The following NBEAL1 variants were observed in gnomAD, a reference collection of about 807,000 sequenced individuals.
NBEAL1 encodes neurobeachin-like protein 1.
Under a neutral mutation model 351.3 loss-of-function variants are expected in NBEAL1, and 273 were observed. That is an observed-to-expected ratio of 0.78 (90% CI 0.70 to 0.86). The LOEUF (loss-of-function observed/expected upper bound fraction) is 0.86, where lower values mean the gene tolerates loss of function less well. NBEAL1 is among the 40% of genes least tolerant of loss of function. NBEAL1 has a pLI of 0.00. For missense variants in NBEAL1, 2,961 were observed against 3,201.3 expected (o/e 0.92, Z 1.81); for synonymous variants, 1,050 against 1,086.4 (o/e 0.97, Z 0.66).
intron 17 of NBEAL1, among the ~76,000 whole-genome samples, chr2:203,114,417 T>G (rs2062643091): frequency 6.6e-6 from 1 of 152,232 alleles, no homozygotes; most frequent in Non-Finnish European, 1.5e-5. Flanking sequence ...ACTGATATAT[T>G]AATATATCTG....
intron 30 of NBEAL1, 69 bp downstream of exon 30, chr2:203,138,384 C>T: frequency 6.9e-7 from 1 of 1,443,600 alleles, no homozygotes; most frequent in South Asian, 1.3e-5. Flanking sequence ...AAATTTTGCA[C>T]CCCCTCTTTT....
intron 36 of NBEAL1, among the ~76,000 whole-genome samples, chr2:203,161,741 G>A (rs1198792779): frequency 1.3e-5 from 2 of 152,090 alleles, no homozygotes; most frequent in African/African-American, 2.4e-5. Flanking sequence ...GCTGAGGCAA[G>A]AAGATACTTT....
Position 203,211,119 on chromosome 2 carries a change from A to G in NBEAL1, c.7934+13A>G. 6.5e-7 allele frequency: 1 copy of G among 1,528,522 alleles called. No individual in the cohort carries two copies. Among genetic ancestry groups the G allele is most frequent in the Non-Finnish European group, 8.8e-7 (1 of 1,136,928 alleles). 94.7% of individuals were successfully genotyped at this position (1,528,522 alleles called of 1,614,324 possible). On this transcript the variant is annotated intron_variant, in intron 54 of 55. Coordinates refer to ENST00000683969, the MANE Select transcript of NBEAL1 (RefSeq NM_001378026.1). The stretch of plus-strand genomic sequence containing the variant: ...GAGATCTCCACAGGTAAATAATAAA[A>G]ACTAATGAAGTATCACTTAAGAAAA...
At chr2:203,191,528 T>A (rs2065087593) in intron 46 of NBEAL1, among the ~76,000 whole-genome samples, 1 of 152,124 alleles carries the variant, frequency 6.6e-6, no homozygotes, top group Admixed American at 6.6e-5. Context: ...AATTTAGTGA[T>A]GTAGAATGTA....
intron 36 of NBEAL1, among the ~76,000 whole-genome samples, chr2:203,165,340 A>G (rs566435015): frequency 6.6e-6 from 1 of 152,210 alleles, no homozygotes; most frequent in Non-Finnish European, 1.5e-5. Context: ...TGTTAGGGGA[A>G]TGCTATGATG....
At chr2:203,064,947 T>C (rs761592884) in intron 6 of NBEAL1, among the ~76,000 whole-genome samples, 1 of 152,196 alleles carries the variant, frequency 6.6e-6, no homozygotes, top group Non-Finnish European at 1.5e-5. Flanking sequence ...GGAAGGACCA[T>C]GATATATGTA....
chr2:203,127,020 G>A (rs1468345303), intron 23 of NBEAL1, 94 bp downstream of exon 23: 5 of 852,116 alleles, frequency 5.9e-6, no homozygotes, highest in African/African-American at 1.7e-5. Context: ...CTTTACCAGC[G>A]ATTCTAGTAT....
At chr2:203,086,473 G>A (rs1385890304) in intron 10 of NBEAL1, among the ~76,000 whole-genome samples, 4 of 152,266 alleles carry the variant, frequency 2.6e-5, no homozygotes, top group Middle Eastern at 3.4e-3. Context: ...CCACTTGAAT[G>A]TCTCTCAAAA....
chr2:203,024,823 C>T (rs906549446), intron 2 of NBEAL1, among the ~76,000 whole-genome samples: 3 of 152,084 alleles, frequency 2.0e-5, no homozygotes, highest in Non-Finnish European at 4.4e-5. Flanking sequence ...GATCGCACCA[C>T]TGTACTCCAG....
chr2:203,150,415 G>T (rs772473586), intron 34 of NBEAL1, among the ~76,000 whole-genome samples: 1 of 151,592 alleles, frequency 6.6e-6, no homozygotes, highest in Non-Finnish European at 1.5e-5. Context: ...TTCTTTTGTT[G>T]AATTGTAAGA....
At chr2:203,016,902 T>C (rs2060690084) in intron 2 of NBEAL1, among the ~76,000 whole-genome samples, 1 of 152,196 alleles carries the variant, frequency 6.6e-6, no homozygotes, top group Admixed American at 6.5e-5. Context: ...TCTTTGAGCA[T>C]TGTCTCATTT....
rs775752409 is a variant in NBEAL1, at chr2:203,172,832, A to G, written c.6302A>G (p.Asn2101Ser). Residue 2101 changes from asparagine to serine, a missense_variant, in exon 41 of 56, where the codon AAC becomes AGC. Transcript: ENST00000683969. ...SKPIGVVNEK[N>S]AKAMREKYEN... ...CCAATTGGGGTAGTTAATGAAAAAAACGCCAAAGCTATGAGAGAAAAGTAA... is the reference window on the plus strand; with the variant it reads ...CCAATTGGGGTAGTTAATGAAAAAAGCGCCAAAGCTATGAGAGAAAAGTAA... The G allele has an allele frequency of 6.2e-7, 1 of 1,609,740 alleles. No individual in the cohort carries two copies. Among genetic ancestry groups the G allele is most frequent in the Non-Finnish European group, 8.5e-7 (1 of 1,177,912 alleles).
intron 29 of NBEAL1, among the ~76,000 whole-genome samples, chr2:203,137,162 C>T (rs2063233743): frequency 6.6e-6 from 1 of 152,164 alleles, no homozygotes; most frequent in Non-Finnish European, 1.5e-5. Flanking sequence ...TTTAGGGTTC[C>T]TTGTAGATCA....
intron 46 of NBEAL1, among the ~76,000 whole-genome samples, chr2:203,191,569 T>C (rs901370052): frequency 6.6e-6 from 1 of 152,184 alleles, no homozygotes; most frequent in Non-Finnish European, 1.5e-5. Context: ...TAACTAGATA[T>C]GTTCTTAAGC....
intron 47 of NBEAL1, among the ~76,000 whole-genome samples, chr2:203,195,224 A>C (rs1468401756): frequency 2.7e-5 from 4 of 146,426 alleles, no homozygotes; most frequent in Non-Finnish European, 4.7e-5. Flanking sequence ...ATTTTACTCA[A>C]ATGAACAATA....
At chr2:203,102,821 TA>T (rs1380829453) in intron 12 of NBEAL1, among the ~76,000 whole-genome samples, 3 of 152,220 alleles carry the variant, frequency 2.0e-5, no homozygotes, top group African/African-American at 7.2e-5. Flanking sequence ...GTTGGCCTCA[TA>T]GAAGGAGTTA....
intron 44 of NBEAL1, among the ~76,000 whole-genome samples, chr2:203,187,367 G>T (rs1279513566): frequency 2.8e-4 from 25 of 87,784 alleles, no homozygotes; most frequent in East Asian, 3.6e-4. Flanking sequence ...TCTTGCAATG[G>T]TTTTTTTTTT....
intron 7 of NBEAL1, among the ~76,000 whole-genome samples, chr2:203,076,240 C>T (rs1032768516): frequency 4.6e-5 from 7 of 152,012 alleles, no homozygotes; most frequent in East Asian, 1.9e-4. Flanking sequence ...CCCAGCACTT[C>T]GGGAGGCTGA....
intron 36 of NBEAL1, among the ~76,000 whole-genome samples, chr2:203,161,080 C>A (rs1352254142): frequency 1.3e-5 from 2 of 152,160 alleles, no homozygotes; most frequent in Non-Finnish European, 2.9e-5. Flanking sequence ...GTAATCCCAG[C>A]ACTTTGGGAG....
Sources: allele counts gnomAD v4.1 joint callset (sites outside exome capture counted in the v4.1 genomes callset), GRCh38; gene constraint gnomAD v4.1.1; transcripts MANE v1.5; gene names NCBI Gene and HGNC (gene_info 2026-07-23, HGNC 2026-07-21).